The following GTPBP2 variants were observed in gnomAD, a reference collection of about 807,000 sequenced individuals.
The protein encoded by GTPBP2 is GTP binding protein 2.
Under a neutral mutation model 63.0 loss-of-function variants are expected in GTPBP2, and 32 were observed. That is an observed-to-expected ratio of 0.51 (90% CI 0.38 to 0.68). The LOEUF (loss-of-function observed/expected upper bound fraction) is 0.68, where lower values mean the gene tolerates loss of function less well. GTPBP2 is among the 30% of genes least tolerant of loss of function. The pLI, the probability that GTPBP2 is intolerant of heterozygous loss-of-function variation, is 0.00. For missense variants in GTPBP2, 492 were observed against 796.9 expected (o/e 0.62, Z 4.61); for synonymous variants, 310 against 322.6 (o/e 0.96, Z 0.42).
chr6:43,622,871 C>T lies in GTPBP2; in HGVS notation c.1296-67G>A, dbSNP rs1768901890. On this transcript the variant is annotated intron_variant, in intron 9 of 11. Transcript: ENST00000307126. The surrounding 1 kb of genome is among the most constrained non-coding windows in gnomAD (Gnocchi z 5.4). Reference sequence around the variant, plus strand: ...CCCATACCTACTTCTCTATTAGGATCACCCAGAGCATTCCTTCCCTTCTAG... The same window carrying T: ...CCCATACCTACTTCTCTATTAGGATTACCCAGAGCATTCCTTCCCTTCTAG... 8.8e-6 allele frequency: 11 copies of T among 1,244,956 alleles called. No homozygotes were observed. The highest frequency in any genetic ancestry group is 1.0e-5 in the Non-Finnish European group (9 of 882,332). The allele number at this position is 1,244,956 out of a possible 1,614,324, so 77.1% of individuals were successfully genotyped here. A position where few individuals can be genotyped will look rare whatever the true frequency, so the allele number is the denominator to read the frequency against.
chr6:43,620,883 G>A lies in GTPBP2; in HGVS notation c.*731C>T, dbSNP rs1285159153. The A allele has an allele frequency of 6.4e-6, 1 of 155,354 alleles. No homozygotes were observed. Among genetic ancestry groups the A allele is most frequent in the Admixed American group, 6.3e-5 (1 of 15,942 alleles). 9.6% of individuals were successfully genotyped at this position (155,354 alleles called of 1,614,324 possible). On this transcript the variant is annotated 3_prime_UTR_variant, in exon 12 of 12. Coordinates refer to ENST00000307126, the MANE Select transcript of GTPBP2 (RefSeq NM_019096.5). ...AAAAGACCAGACTGATGGGCATGCA[G>A]CTGGCCTTTGGTATATGCCAAGCCT...
intron 1 of GTPBP2, chr6:43,628,764 C>T (rs1582355670): frequency 1.3e-6 from 1 of 787,190 alleles, no homozygotes; most frequent in Non-Finnish European, 2.3e-6. Context: ...TCCCTCTCCA[C>T]TCTTCCTCCC....
At chr6:43,621,915 T>C (rs768920767) in intron 11 of GTPBP2, 88 bp downstream of exon 11, 2 of 1,597,084 alleles carry the variant, frequency 1.3e-6, no homozygotes, top group Non-Finnish European at 1.7e-6. Flanking sequence ...TTTATTCCCA[T>C]TGTGGGATCA....
In GTPBP2 at chr6:43,625,823, T is replaced by TC. The variant is rs1769273682; in HGVS notation, c.439dup (p.Asp147GlyfsTer3). ...CTTCCGGGGCATGTCGCTATCATAATCCACTTCTCGCTCTCGAAGAACGGT... is the reference window on the plus strand; with the variant it reads ...CTTCCGGGGCATGTCGCTATCATAATCCCACTTCTCGCTCTCGAAGAACGGT... On this transcript the variant is annotated frameshift_variant, in exon 4 of 12. Coordinates refer to ENST00000307126, the MANE Select transcript of GTPBP2 (RefSeq NM_019096.5). LOFTEE classifies it high-confidence loss of function. This position sits in a 1 kb window ranked among gnomAD's most constrained non-coding sequence, Gnocchi z 5.1. 4 of 1,613,962 alleles carry TC rather than the reference T, an allele frequency of 2.5e-6. No individual in the cohort carries two copies. The highest frequency in any genetic ancestry group is 3.4e-6 in the Non-Finnish European group (4 of 1,180,012).
chr6:43,621,479 A>G lies in GTPBP2; in HGVS notation c.*135T>C, dbSNP rs759063033. ...TTTGGCACCTCTCCAGAAAGTTGGC[A>G]GGGAGCAAGTGGCAGACAGCACCCC... On this transcript the variant is annotated 3_prime_UTR_variant, in exon 12 of 12. Transcript: ENST00000307126. The G allele has an allele frequency of 6.4e-7, 1 of 1,554,504 alleles. No homozygotes were observed. The highest frequency in any genetic ancestry group is 8.7e-7 in the Non-Finnish European group (1 of 1,148,694).
chr6:43,623,080 G>C (rs1036253211), intron 9 of GTPBP2: 1 of 439,288 alleles, frequency 2.3e-6, no homozygotes, highest in Admixed American at 3.7e-5. Context: ...TATCCCCTTG[G>C]GTTTCATTCT....
chr6:43,623,356 AT>A (rs1768968709), intron 9 of GTPBP2: 1 of 209,906 alleles, frequency 4.8e-6, no homozygotes, highest in African/African-American at 2.3e-5. Context: ...CTCCACTGCA[AT>A]CCAGCCTGGG....
At chr6:43,628,939 G>C (rs764631092) in intron 1 of GTPBP2, 38 bp downstream of exon 1, 1 of 1,598,234 alleles carries the variant, frequency 6.3e-7, no homozygotes, top group Non-Finnish European at 8.6e-7. Context: ...GCCGGAAAGA[G>C]TGGCTTCTTC....
At chr6:43,628,540 G>C (rs1769613729) in intron 1 of GTPBP2, 1 of 982,464 alleles carries the variant, frequency 1.0e-6, no homozygotes. Context: ...AGTACTGTGT[G>C]TGTGTCCGTG....
In GTPBP2 at chr6:43,622,585, T is replaced by C; in HGVS notation, c.1467+48A>G. The C allele has an allele frequency of 1.3e-6, 2 of 1,550,708 alleles. No homozygotes were observed. The highest frequency in any genetic ancestry group is 8.9e-7 in the Non-Finnish European group (1 of 1,129,830). ...GGTGCTCATTCAGTAGCCAGTCTCC[T>C]AGGCACTTCTCTTAGCGTTCCCTCC... On this transcript the variant is annotated intron_variant, in intron 10 of 11. Transcript: ENST00000307126. The surrounding 1 kb of genome is among the most constrained non-coding windows in gnomAD (Gnocchi z 5.4).
chr6:43,629,178 G>A lies in GTPBP2; in HGVS notation c.-16C>T, dbSNP rs1769719226. 1.5e-6 allele frequency: 2 copies of A among 1,351,908 alleles called. No individual in the cohort carries two copies. Among genetic ancestry groups the A allele is most frequent in the African/African-American group, 3.2e-5 (2 of 63,134 alleles). The allele number at this position is 1,351,908 out of a possible 1,614,324, so 83.7% of individuals were successfully genotyped here. ...GCGAGTCCATCCGCCGCTGCCGCCA[G>A]CCCCCCGCCCGGCCCCTCCCCCGAC... On this transcript the variant is annotated 5_prime_UTR_variant, in exon 1 of 12. Coordinates refer to ENST00000307126, the MANE Select transcript of GTPBP2 (RefSeq NM_019096.5).
chr6:43,621,530 G>C lies in GTPBP2; in HGVS notation c.*84C>G, dbSNP rs753927549. The C allele has an allele frequency of 2.1e-5, 33 of 1,603,798 alleles. No individual in the cohort carries two copies. Among genetic ancestry groups the C allele is most frequent in the East Asian group, 4.5e-5 (2 of 44,542 alleles). The stretch of plus-strand genomic sequence containing the variant: ...TCTCTCCCTAGCCTATTAACACACA[G>C]AGCCGCCAATGGCAGGGCAGCATGG... On this transcript the variant is annotated 3_prime_UTR_variant, in exon 12 of 12. Transcript: ENST00000307126.
upstream of GTPBP2, chr6:43,629,538 TG>T (rs961408168): frequency 3.8e-5 from 24 of 638,998 alleles, no homozygotes; most frequent in Admixed American, 1.8e-4. Context: ...TTCTAGGACT[TG>T]GGGGGAATTT....
upstream of GTPBP2, among the ~76,000 whole-genome samples, chr6:43,630,568 C>G (rs1010916397): frequency 6.6e-6 from 1 of 152,040 alleles, no homozygotes; most frequent in Non-Finnish European, 1.5e-5. Flanking sequence ...CACAGCGAAA[C>G]CCCGTCTCTA....
In GTPBP2 at chr6:43,624,848, C is replaced by G. The variant is rs780286275; in HGVS notation, c.880+40G>C. 6.2e-7 allele frequency: 1 copy of G among 1,601,258 alleles called. No homozygotes were observed. Among genetic ancestry groups the G allele is most frequent in the Admixed American group, 1.7e-5 (1 of 59,938 alleles). ...TTGAGGCCCAGGGTAGGAGAGTCAG[C>G]ACCCCCCTTCAGCCCTGTCCCTGCC... On this transcript the variant is annotated intron_variant, in intron 6 of 11. Transcript: ENST00000307126. The surrounding 1 kb of genome is among the most constrained non-coding windows in gnomAD (Gnocchi z 5.1).
Position 43,622,892 on chromosome 6 carries a change from T to C in GTPBP2, c.1296-88A>G. The C allele has an allele frequency of 9.2e-7, 1 of 1,087,208 alleles. No homozygotes were observed. The highest frequency in any genetic ancestry group is 2.6e-5 in the East Asian group (1 of 38,032). The allele number at this position is 1,087,208 out of a possible 1,614,324, so 67.3% of individuals were successfully genotyped here. ...GGATCACCCAGAGCATTCCTTCCCT[T>C]CTAGGGTTGAGTCCCTCAAGTGGGG... is the stretch of plus-strand genomic sequence containing the variant. On this transcript the variant is annotated intron_variant, in intron 9 of 11. Coordinates refer to ENST00000307126, the MANE Select transcript of GTPBP2 (RefSeq NM_019096.5). The surrounding 1 kb of genome is among the most constrained non-coding windows in gnomAD (Gnocchi z 5.4).
chr6:43,629,441 T>A (rs1769750684), upstream of GTPBP2: 5 of 565,322 alleles, frequency 8.8e-6, no homozygotes, highest in Non-Finnish European at 1.5e-5. Flanking sequence ...GCGGGAGTCG[T>A]CGGAGGCGTG....
At position 43,624,136 on chromosome 6, in the gene GTPBP2, T is replaced by C; in HGVS notation, c.1101-68A>G. 5 of 1,428,110 alleles carry C rather than the reference T, an allele frequency of 3.5e-6. No individual in the cohort carries two copies. The highest frequency in any genetic ancestry group is 1.4e-5 in the African/African-American group (1 of 70,676). The allele number at this position is 1,428,110 out of a possible 1,614,324, so 88.5% of individuals were successfully genotyped here. A position where few individuals can be genotyped will look rare whatever the true frequency, so the allele number is the denominator to read the frequency against. ...ACAGGAGGCAGAGGCCAGAGCCCCA[T>C]ACATGGAAAGGTGAGCTTTGTTCTG... On this transcript the variant is annotated intron_variant, in intron 7 of 11. Coordinates refer to ENST00000307126, the MANE Select transcript of GTPBP2 (RefSeq NM_019096.5). The surrounding 1 kb of genome is among the most constrained non-coding windows in gnomAD (Gnocchi z 5.1).
chr6:43,628,490 G>GTGTGTGTC (rs1769603231), intron 1 of GTPBP2: 1 of 816,370 alleles, frequency 1.2e-6, no homozygotes, highest in Non-Finnish European at 1.5e-6. Flanking sequence ...GTGTGTGTGT[G>GTGTGTGTC]TGTGTGTGTG....
Sources: allele counts gnomAD v4.1 joint callset (sites outside exome capture counted in the v4.1 genomes callset), GRCh38; gene constraint gnomAD v4.1.1; non-coding constraint Gnocchi (gnomAD v3.1); transcripts MANE v1.5; gene names NCBI Gene and HGNC (gene_info 2026-07-23, HGNC 2026-07-21).